G3BP2: variants seen among roughly 807,000 people sequenced by gnomAD.
G3BP2 encodes ras GTPase-activating protein-binding protein 2.
A neutral mutation model predicts 56.7 loss-of-function variants in G3BP2; 11 were observed. That is an observed-to-expected ratio of 0.19 (90% CI 0.12 to 0.32). The LOEUF (loss-of-function observed/expected upper bound fraction) is 0.32, where lower values mean the gene tolerates loss of function less well. Ranked by LOEUF, G3BP2 falls within the 10% of genes least tolerant of loss-of-function variation. The probability of loss-of-function intolerance (pLI) is 1.00; values close to 1 mark genes in which losing one functional copy is unlikely to be tolerated. For synonymous variants in G3BP2, 165 were observed against 191.6 expected, an observed-to-expected ratio of 0.86 and a Z score of 1.15; for missense variants, 340 against 610.9, an observed-to-expected ratio of 0.56 and a Z score of 4.67.
At chr4:75,646,261 A>G (rs1731202604) in intron 11 of G3BP2, 77 bp downstream of exon 11, 1 of 709,476 alleles carries the variant, frequency 1.4e-6, no homozygotes, top group Non-Finnish European at 2.5e-6. Context: ...AAGATTTTCT[A>G]TGGTTTTTAA....
intron 3 of G3BP2, among the ~76,000 whole-genome samples, chr4:75,658,463 G>GC (rs1732281139): frequency 6.6e-6 from 1 of 151,404 alleles, no homozygotes; most frequent in South Asian, 2.1e-4. Flanking sequence ...GGGCGCGGTG[G>GC]CTCACGGCTG....
chr4:75,646,915 G>C (rs949131865), intron 10 of G3BP2, 114 bp downstream of exon 10: 1 of 630,020 alleles, frequency 1.6e-6, no homozygotes, highest in Non-Finnish European at 2.6e-6. Context: ...CTGGTAGCTG[G>C]ACACAGTATA....
At chr4:75,673,666 T>C (rs532784944), upstream of G3BP2, 9 of 1,220,756 alleles carry the variant, frequency 7.4e-6, no homozygotes, top group African/African-American at 1.4e-4. Flanking sequence ...GCTGCCTTTC[T>C]CCGGTCCCGA....
At chr4:75,677,311 G>A (rs536185721), upstream of G3BP2, among the ~76,000 whole-genome samples, 3 of 152,082 alleles carry the variant, frequency 2.0e-5, no homozygotes, top group South Asian at 2.1e-4. Flanking sequence ...AGTGGTTCAC[G>A]CCTGTAACCC....
At chr4:75,706,855 T>A (rs1276288777) in intron 3 of G3BP2, among the ~76,000 whole-genome samples, 1 of 152,118 alleles carries the variant, frequency 6.6e-6, no homozygotes, top group African/African-American at 2.4e-5. Flanking sequence ...TGGAAAGGAC[T>A]ATTATGCATA....
chr4:75,680,515 G>C (rs1316969208), intron 3 of G3BP2, among the ~76,000 whole-genome samples: 2 of 152,162 alleles, frequency 1.3e-5, no homozygotes, highest in East Asian at 3.8e-4. Context: ...GTGTATATGT[G>C]CATGATTCCT....
upstream of G3BP2, chr4:75,673,718 G>T: frequency 1.1e-6 from 1 of 871,928 alleles, no homozygotes; most frequent in Non-Finnish European, 1.5e-6. Flanking sequence ...GCGCAAGCGA[G>T]AGCTGGTTCG....
At chr4:75,707,876 T>C (rs182759763) in intron 3 of G3BP2, among the ~76,000 whole-genome samples, 21 of 152,324 alleles carry the variant, frequency 1.4e-4, no homozygotes, top group African/African-American at 4.6e-4. Flanking sequence ...AATGTAAACA[T>C]TAATTTAATT....
chr4:75,714,108 C>T (rs1719848296), intron 3 of G3BP2, among the ~76,000 whole-genome samples: 1 of 152,066 alleles, frequency 6.6e-6, no homozygotes, highest in East Asian at 1.9e-4. Context: ...AAACTTTTTC[C>T]CCAAAAAGGA....
chr4:75,708,931 T>C (rs372107401), intron 3 of G3BP2, among the ~76,000 whole-genome samples: 76 of 152,036 alleles, frequency 5.0e-4, no homozygotes, highest in Middle Eastern at 3.4e-3. Flanking sequence ...GGCAACATGG[T>C]GAAACCCTGT....
chr4:75,724,423 G>C (rs1043525985), exon 1 of G3BP2: 1 of 248,338 alleles, frequency 4.0e-6, no homozygotes, highest in African/African-American at 2.3e-5. Flanking sequence ...CCAGCCTGCA[G>C]GGCCGGGCTT....
chr4:75,650,426 CAAA>C (rs1220235661), intron 8 of G3BP2, among the ~76,000 whole-genome samples: 2 of 76,764 alleles, frequency 2.6e-5, no homozygotes, highest in East Asian at 3.1e-4. Context: ...AACTCCATCT[CAAA>C]AAAAAAAAAA....
chr4:75,658,545 T>C (rs965694609), intron 3 of G3BP2, among the ~76,000 whole-genome samples: 1 of 151,452 alleles, frequency 6.6e-6, no homozygotes, highest in Admixed American at 6.6e-5. Flanking sequence ...AGCCTCAACA[T>C]AGAGAAACCC....
chr4:75,697,216 G>A (rs1488292501), intron 3 of G3BP2, among the ~76,000 whole-genome samples: 4 of 136,898 alleles, frequency 2.9e-5, no homozygotes, highest in African/African-American at 1.1e-4. Flanking sequence ...GGAGCTTGCA[G>A]TGAGCCGAGA....
At chr4:75,704,677 G>A (rs1719476637) in intron 3 of G3BP2, among the ~76,000 whole-genome samples, 1 of 151,948 alleles carries the variant, frequency 6.6e-6, no homozygotes, top group African/African-American at 2.4e-5. Flanking sequence ...CTGTCACCCA[G>A]GCTGGAGTGC....
At chr4:75,687,526 T>C (rs1214639654) in intron 3 of G3BP2, among the ~76,000 whole-genome samples, 2 of 152,194 alleles carry the variant, frequency 1.3e-5, no homozygotes, top group Non-Finnish European at 2.9e-5. Context: ...ATGTGAGATC[T>C]AAAAGAATCA....
At chr4:75,663,397 G>A (rs1732725271) in intron 1 of G3BP2, among the ~76,000 whole-genome samples, 1 of 152,024 alleles carries the variant, frequency 6.6e-6, no homozygotes, top group Admixed American at 6.6e-5. Context: ...TCTCCTGAGT[G>A]GCTGGGACTA....
chr4:75,670,343 A>T (rs569545388), intron 1 of G3BP2: 2 of 151,828 alleles, frequency 1.3e-5, no homozygotes, highest in South Asian at 4.2e-4. Context: ...TAACTTAAAC[A>T]ATCTAAGGAA....
chr4:75,719,916 G>A (rs1424874193), intron 3 of G3BP2, among the ~76,000 whole-genome samples: 2 of 151,856 alleles, frequency 1.3e-5, no homozygotes, highest in African/African-American at 4.8e-5. Context: ...TCCTGAGAGA[G>A]GTAGCTGTCC....
Sources: gnomAD v4.1 joint callset for allele counts (sites outside exome capture counted in the v4.1 genomes callset) on GRCh38, gnomAD v4.1.1 for gene constraint, MANE v1.5 for transcripts, NCBI Gene and HGNC (gene_info 2026-07-23, HGNC 2026-07-21) for gene names.